The following KCNJ6 variants were observed in gnomAD, a reference collection of about 807,000 sequenced individuals.
The protein encoded by KCNJ6 is potassium inwardly rectifying channel subfamily J member 6.
A neutral mutation model predicts 34.2 loss-of-function variants in KCNJ6; 9 were observed. The observed-to-expected ratio is 0.26, with a 90% CI of 0.16 to 0.46. The LOEUF is 0.46. Among genes scored for constraint, KCNJ6 ranks in the 20% least tolerant of loss-of-function variants. The pLI is 1.00. For missense variants in KCNJ6, 236 were observed against 531.3 expected, an observed-to-expected ratio of 0.44 and a Z score of 5.46; for synonymous variants, 196 against 207.1, an observed-to-expected ratio of 0.95 and a Z score of 0.46.
chr21:37,669,056 T>C (rs1362494905), intron 3 of KCNJ6, among the ~76,000 whole-genome samples: 1 of 152,218 alleles, frequency 6.6e-6, no homozygotes, highest in Non-Finnish European at 1.5e-5. Context: ...CAGCTACCTA[T>C]GAGACTTCAT....
At chr21:37,726,721 T>C (rs1378527609) in intron 2 of KCNJ6, among the ~76,000 whole-genome samples, 1 of 152,238 alleles carries the variant, frequency 6.6e-6, no homozygotes, top group Non-Finnish European at 1.5e-5. Context: ...ATTTAAAAAT[T>C]TCCCCTAATA....
chr21:37,613,026 T>C lies in KCNJ6; in HGVS notation c.*12133A>G, dbSNP rs2054248421. ...ACAAGCCACGGACTGGGAGAAAATA[T>C]TTACAGAAGACACATCTGATAAAGA... On this transcript the variant is annotated 3_prime_UTR_variant, in exon 4 of 4. Coordinates refer to ENST00000609713, the MANE Select transcript of KCNJ6 (RefSeq NM_002240.5). 6.6e-6 allele frequency: 1 copy of C among 152,078 alleles called. No homozygotes were observed. The highest frequency in any genetic ancestry group is 1.5e-5 in the Non-Finnish European group (1 of 68,016). The allele number at this position is 152,078 out of a possible 1,614,324, so 9.4% of individuals were successfully genotyped here. A position where few individuals can be genotyped will look rare whatever the true frequency, so the allele number is the denominator to read the frequency against.
intron 3 of KCNJ6, among the ~76,000 whole-genome samples, chr21:37,698,692 C>T (rs1371505066): frequency 7.0e-6 from 1 of 143,880 alleles, no homozygotes; most frequent in African/African-American, 2.5e-5. Context: ...CCACCATGCC[C>T]AGGTAATTTT....
At chr21:37,777,975 C>G (rs1382812152) in intron 2 of KCNJ6, among the ~76,000 whole-genome samples, 1 of 152,138 alleles carries the variant, frequency 6.6e-6, no homozygotes, top group East Asian at 1.9e-4. Context: ...GGTCAGAGAC[C>G]TGGGAGTGTT....
intron 2 of KCNJ6, among the ~76,000 whole-genome samples, chr21:37,783,997 C>T (rs1205388783): frequency 6.6e-6 from 1 of 152,210 alleles, no homozygotes; most frequent in African/African-American, 2.4e-5. Flanking sequence ...GACTTCCAGC[C>T]TCCAGAACCA....
chr21:37,741,198 C>G (rs902422624), intron 2 of KCNJ6, among the ~76,000 whole-genome samples: 1 of 152,138 alleles, frequency 6.6e-6, no homozygotes, highest in African/African-American at 2.4e-5. Flanking sequence ...AACATTTTTT[C>G]AAGACAGAGA....
intron 3 of KCNJ6, among the ~76,000 whole-genome samples, chr21:37,707,735 G>GTGTGTGTGTGTGTATATGTGTGC (rs1267356647): frequency 2.7e-5 from 4 of 149,680 alleles, no homozygotes; most frequent in Admixed American, 6.7e-5. Flanking sequence ...GTGTGTGTGT[G>GTGTGTGTGTGTGTATATGTGTGC]AATAATTTAC....
intron 1 of KCNJ6, among the ~76,000 whole-genome samples, chr21:37,878,233 A>T (rs2055688842): frequency 6.6e-6 from 1 of 152,002 alleles, no homozygotes; most frequent in Admixed American, 6.5e-5. Context: ...GTAATGTCAT[A>T]TCCCATTGTG....
chr21:37,874,302 T>G (rs762205565), intron 1 of KCNJ6, among the ~76,000 whole-genome samples: 27 of 152,218 alleles, frequency 1.8e-4, no homozygotes, highest in Non-Finnish European at 3.2e-4. Flanking sequence ...TCCTTTTCTT[T>G]GCTGGTTTCT....
At chr21:37,737,461 GCGTT>G (rs1336157241) in intron 2 of KCNJ6, among the ~76,000 whole-genome samples, 1 of 143,402 alleles carries the variant, frequency 7.0e-6, no homozygotes, top group African/African-American at 2.7e-5. Context: ...TTCTCTGTTG[GCGTT>G]TGTTTGTTTA....
chr21:37,818,192 G>A (rs2055355492), intron 2 of KCNJ6, among the ~76,000 whole-genome samples: 2 of 68,826 alleles, frequency 2.9e-5, no homozygotes, highest in Non-Finnish European at 5.1e-5. Flanking sequence ...GCTTAAAAGT[G>A]CGTGTGTGTG....
intron 2 of KCNJ6, among the ~76,000 whole-genome samples, chr21:37,806,414 G>C (rs1286327989): frequency 1.3e-5 from 2 of 152,146 alleles, no homozygotes; most frequent in African/African-American, 4.8e-5. Flanking sequence ...CTGCAAAATA[G>C]ACAATTGGCA....
At chr21:37,819,798 A>ATTT (rs2055365065) in intron 2 of KCNJ6, among the ~76,000 whole-genome samples, 4 of 54,326 alleles carry the variant, frequency 7.4e-5, no homozygotes, top group African/African-American at 1.0e-4. Flanking sequence ...TGTTAAATAC[A>ATTT]CTTTTTTTTT....
At chr21:37,645,022 T>TG (rs1307543747) in intron 3 of KCNJ6, among the ~76,000 whole-genome samples, 4 of 60,166 alleles carry the variant, frequency 6.6e-5, no homozygotes, top group African/African-American at 2.9e-4. Flanking sequence ...GGTGGGTTTT[T>TG]TTTTTTTTTT....
intron 1 of KCNJ6, among the ~76,000 whole-genome samples, chr21:37,848,091 C>A (rs1035486916): frequency 3.3e-4 from 50 of 152,144 alleles, no homozygotes; most frequent in African/African-American, 1.1e-3. Flanking sequence ...TCCCTGGAGG[C>A]CAGACAGCTG....
At position 37,747,239 on chromosome 21, in the gene KCNJ6, C is replaced by T. The variant is rs1329812211; in HGVS notation, c.26-32108G>A. Among the ~76,000 whole-genome samples, 14 of 148,956 alleles carry T rather than the reference C, an allele frequency of 9.4e-5. No individual in the cohort carries two copies. The East Asian group carries it at 2.5e-3, about 27-fold the overall frequency. On this transcript the variant is annotated intron_variant, in intron 2 of 3. Coordinates refer to ENST00000609713, the MANE Select transcript of KCNJ6 (RefSeq NM_002240.5). ...AAAGGGGCAGTTGTTTTCTTTGCCC[C>T]CTTTGGAGAGGGCCAGAAGGGGATT...
At chr21:37,747,773 C>T (rs2054974891) in intron 2 of KCNJ6, among the ~76,000 whole-genome samples, 1 of 152,152 alleles carries the variant, frequency 6.6e-6, no homozygotes, top group Non-Finnish European at 1.5e-5. Context: ...ACAGATTCTC[C>T]CCTGGAAGGT....
chr21:37,749,617 T>C (rs1384216348), intron 2 of KCNJ6, among the ~76,000 whole-genome samples: 1 of 152,202 alleles, frequency 6.6e-6, no homozygotes, highest in Non-Finnish European at 1.5e-5. Flanking sequence ...GGGGGCTTCA[T>C]GTTGAGGCAC....
chr21:37,836,008 C>A (rs2055449901), intron 2 of KCNJ6, among the ~76,000 whole-genome samples: 1 of 152,164 alleles, frequency 6.6e-6, no homozygotes, highest in Admixed American at 6.5e-5. Flanking sequence ...GGGCTAATAT[C>A]CAGAATCTAC....
Sources: gnomAD v4.1 joint callset for allele counts (sites outside exome capture counted in the v4.1 genomes callset) on GRCh38, gnomAD v4.1.1 for gene constraint, MANE v1.5 for transcripts, NCBI Gene and HGNC (gene_info 2026-07-23, HGNC 2026-07-21) for gene names.